The following CBFA2T2 variants were observed in gnomAD, a reference collection of about 807,000 sequenced individuals.
CBFA2T2 encodes the protein CBFA2/RUNX1 partner transcriptional co-repressor 2.
CBFA2T2 carries 11 observed loss-of-function variants against 62.2 expected under a neutral mutation model. The observed-to-expected ratio is 0.18, with a 90% CI of 0.11 to 0.29. CBFA2T2 has a LOEUF of 0.29. CBFA2T2 is among the 10% of genes least tolerant of loss of function. The probability of loss-of-function intolerance (pLI) is 1.00; values close to 1 mark genes in which losing one functional copy is unlikely to be tolerated. For missense variants in CBFA2T2, 592 were observed against 774.1 expected, an observed-to-expected ratio of 0.76 and a Z score of 2.79; for synonymous variants, 295 against 287.5, an observed-to-expected ratio of 1.03 and a Z score of -0.27.
chr20:33,545,351 C>T (rs1273394506), intron 1 of CBFA2T2, among the ~76,000 whole-genome samples: 3 of 152,060 alleles, frequency 2.0e-5, no homozygotes, highest in Non-Finnish European at 2.9e-5. Flanking sequence ...TACAAAATTT[C>T]CTTGAAATAA....
intron 1 of CBFA2T2, among the ~76,000 whole-genome samples, chr20:33,572,663 A>G (rs1239333723): frequency 6.6e-6 from 1 of 152,190 alleles, no homozygotes; most frequent in Non-Finnish European, 1.5e-5. Flanking sequence ...GAATAGAAAA[A>G]TGGCCGATGT....
At chr20:33,603,034 G>A (rs758655134) in intron 1 of CBFA2T2, among the ~76,000 whole-genome samples, 12 of 152,050 alleles carry the variant, frequency 7.9e-5, no homozygotes, top group South Asian at 2.1e-4. Context: ...TATTCAGTAC[G>A]GTGCTCAATT....
chr20:33,610,902 C>T (rs928926936), intron 2 of CBFA2T2, among the ~76,000 whole-genome samples, 192 bp from the exon 3 acceptor site: 7 of 152,146 alleles, frequency 4.6e-5, no homozygotes, highest in African/African-American at 7.2e-5. Context: ...TTCTTTTTAA[C>T]GCTCCAGTGT....
chr20:33,533,667 T>G (rs554349402), intron 1 of CBFA2T2, among the ~76,000 whole-genome samples: 69 of 152,136 alleles, frequency 4.5e-4, no homozygotes, highest in African/African-American at 1.6e-3. Flanking sequence ...GTCTTTTCTT[T>G]TTTAAAAAAA....
intron 1 of CBFA2T2, among the ~76,000 whole-genome samples, chr20:33,527,777 C>T (rs1192498990): frequency 6.6e-6 from 1 of 152,170 alleles, no homozygotes; most frequent in East Asian, 1.9e-4. Context: ...TGCCTGACCT[C>T]AGGTGATCTG....
intron 1 of CBFA2T2, among the ~76,000 whole-genome samples, chr20:33,544,453 A>G (rs2012481012): frequency 6.6e-6 from 1 of 152,154 alleles, no homozygotes; most frequent in Non-Finnish European, 1.5e-5. Context: ...TACTGTATAT[A>G]GTATTTATTA....
chr20:33,644,861 C>T lies in CBFA2T2; in HGVS notation c.*215C>T. On this transcript the variant is annotated 3_prime_UTR_variant, in exon 11 of 11. Transcript: ENST00000342704. Reference sequence around the variant, plus strand: ...GTGCCATTCTCTGCACATGGGCAGCCAGCCTGAGCTGCCTCCTCCATGGCT... The same window carrying T: ...GTGCCATTCTCTGCACATGGGCAGCTAGCCTGAGCTGCCTCCTCCATGGCT... 1.8e-6 allele frequency: 1 copy of T among 566,532 alleles called. No homozygotes were observed. Among genetic ancestry groups the T allele is most frequent in the Non-Finnish European group, 3.1e-6 (1 of 327,030 alleles). The allele number at this position is 566,532 out of a possible 1,614,324, so 35.1% of individuals were successfully genotyped here. A position where few individuals can be genotyped will look rare whatever the true frequency, so the allele number is the denominator to read the frequency against.
At chr20:33,598,635 G>A (rs2014992443) in intron 1 of CBFA2T2, among the ~76,000 whole-genome samples, 1 of 152,078 alleles carries the variant, frequency 6.6e-6, no homozygotes, top group Non-Finnish European at 1.5e-5. Flanking sequence ...GAGTCCTGAG[G>A]CGATATACAT....
At chr20:33,616,681 CA>C (rs1555845694) in intron 3 of CBFA2T2, among the ~76,000 whole-genome samples, 4 of 151,078 alleles carry the variant, frequency 2.6e-5, no homozygotes, top group Non-Finnish European at 5.9e-5. Context: ...GAGCTGAGAT[CA>C]CACCACTGCA....
chr20:33,521,283 A>G (rs1193939332), intron 1 of CBFA2T2, among the ~76,000 whole-genome samples: 1 of 152,118 alleles, frequency 6.6e-6, no homozygotes, highest in Admixed American at 6.6e-5. Flanking sequence ...TGCTAGTGTT[A>G]TCTTCTATAA....
chr20:33,559,167 CCTTT>C (rs1600969907), intron 1 of CBFA2T2, among the ~76,000 whole-genome samples: 1 of 125,758 alleles, frequency 8.0e-6, no homozygotes, highest in South Asian at 2.3e-4. Flanking sequence ...TTCTTTTTTT[CCTTT>C]CTTTTTTTTT....
At chr20:33,562,653 G>A in intron 1 of CBFA2T2, 1 of 985,400 alleles carries the variant, frequency 1.0e-6, no homozygotes, top group South Asian at 4.7e-5. Flanking sequence ...AATCTGGATT[G>A]TTTATAATTT....
chr20:33,569,191 C>A (rs187479079), intron 1 of CBFA2T2, among the ~76,000 whole-genome samples: 1 of 152,282 alleles, frequency 6.6e-6, no homozygotes, highest in Non-Finnish European at 1.5e-5. Flanking sequence ...CAAAAATTTT[C>A]ATCACTTGCT....
intron 1 of CBFA2T2, among the ~76,000 whole-genome samples, chr20:33,498,515 A>G (rs1176627748): frequency 6.6e-6 from 1 of 151,760 alleles, no homozygotes; most frequent in African/African-American, 2.4e-5. Flanking sequence ...GGCCTCCCAA[A>G]GTGCTGGGAT....
At chr20:33,642,543 C>T (rs570035095) in intron 10 of CBFA2T2, among the ~76,000 whole-genome samples, 1 of 151,688 alleles carries the variant, frequency 6.6e-6, no homozygotes, top group African/African-American at 2.4e-5. Flanking sequence ...GAGGTGCAAG[C>T]CTGACCATGA....
chr20:33,648,334 G>C lies in CBFA2T2; in HGVS notation c.*3688G>C, dbSNP rs2017122556. 6.6e-6 allele frequency: 1 copy of C among 152,264 alleles called. No homozygotes were observed. Among genetic ancestry groups the C allele is most frequent in the African/African-American group, 2.4e-5 (1 of 41,434 alleles). 9.4% of individuals were successfully genotyped at this position (152,264 alleles called of 1,614,324 possible). A position where few individuals can be genotyped will look rare whatever the true frequency, so the allele number is the denominator to read the frequency against. ...CGCCAAGGAACACTGATGAGTTGTG[G>C]GACATTATGGTCGGCCAAGTGAGGA... On this transcript the variant is annotated 3_prime_UTR_variant, in exon 11 of 11. Transcript: ENST00000342704.
chr20:33,615,003 C>T (rs893466322), intron 3 of CBFA2T2, among the ~76,000 whole-genome samples: 1 of 152,176 alleles, frequency 6.6e-6, no homozygotes, highest in Non-Finnish European at 1.5e-5. Context: ...TTCCTATGAA[C>T]ATTCTTTTAC....
intron 1 of CBFA2T2, among the ~76,000 whole-genome samples, chr20:33,570,661 GTA>G (rs2013525770): frequency 6.6e-6 from 1 of 152,110 alleles, no homozygotes; most frequent in Non-Finnish European, 1.5e-5. Flanking sequence ...CTTCTTTCTG[GTA>G]CTTAGGAAGA....
At chr20:33,640,629 A>C (rs1196800657) in intron 10 of CBFA2T2, 98 bp downstream of exon 10, 13 of 1,078,400 alleles carry the variant, frequency 1.2e-5, no homozygotes, top group Non-Finnish European at 1.8e-5. Flanking sequence ...CAGGCAGTCC[A>C]CTCTTGAGCT....
Sources: gnomAD v4.1 joint callset for allele counts (sites outside exome capture counted in the v4.1 genomes callset) on GRCh38, gnomAD v4.1.1 for gene constraint, MANE v1.5 for transcripts, NCBI Gene and HGNC (gene_info 2026-07-23, HGNC 2026-07-21) for gene names.